The following PDZD2 variants were observed in gnomAD, a reference collection of about 807,000 sequenced individuals.
The protein encoded by PDZD2 is PDZ domain-containing protein 2.
PDZD2 carries 90 observed loss-of-function variants against 220.7 expected under a neutral mutation model. That is an observed-to-expected ratio of 0.41 (90% CI 0.34 to 0.49). PDZD2 has a LOEUF of 0.49. PDZD2 is among the 20% of genes least tolerant of loss of function. The pLI, the probability that PDZD2 is intolerant of heterozygous loss-of-function variation, is 0.28. For synonymous variants in PDZD2, 1,375 were observed against 1,450.5 expected, an observed-to-expected ratio of 0.95 and a Z score of 1.18; for missense variants, 3,174 against 3,608.5, an observed-to-expected ratio of 0.88 and a Z score of 3.08.
intron 1 of PDZD2, among the ~76,000 whole-genome samples, chr5:31,768,835 T>C (rs116285287): frequency 0.025 from 3,850 of 152,110 alleles, 153 homozygotes; most frequent in African/African-American, 0.087. Flanking sequence ...CATGTAGGAA[T>C]AGGGACAGGC....
At chr5:31,842,149 C>T (rs1757349837) in intron 2 of PDZD2, among the ~76,000 whole-genome samples, 1 of 152,170 alleles carries the variant, frequency 6.6e-6, no homozygotes, top group Non-Finnish European at 1.5e-5. Flanking sequence ...CTTTTTGTAG[C>T]TTTGAAAAAC....
chr5:31,897,636 A>G (rs2150354721), intron 2 of PDZD2, among the ~76,000 whole-genome samples: 1 of 152,338 alleles, frequency 6.6e-6, no homozygotes, highest in East Asian at 1.9e-4. Flanking sequence ...AGTAGCATGC[A>G]GAAAGTTTCC....
At chr5:31,879,974 C>T (rs1439640273) in intron 2 of PDZD2, among the ~76,000 whole-genome samples, 1 of 146,406 alleles carries the variant, frequency 6.8e-6, no homozygotes, top group African/African-American at 2.6e-5. Context: ...AGTGCAATGG[C>T]ACGATCTCAG....
rs750302682 is a variant in PDZD2, at chr5:32,048,558, G to C, written c.1539G>C (p.Glu513Asp). ...SRLSGGVHRL[E>D]SVEEYNELMV... ...CTCAAGGGGGTGTACACCGCCTTGA[G>C]TCAGTTGAAGAATATAACGAGCTGA... is the stretch of plus-strand genomic sequence containing the variant. Residue 513 changes from glutamate to aspartate, a missense_variant, in exon 8 of 25, where the codon GAG (glutamate) becomes GAC (aspartate). Around this residue, in one of 4 missense-constraint regions of PDZD2, gnomAD observed 632 missense variants for 708.1 expected, o/e 0.89. Transcript: ENST00000438447. 1 of 1,613,960 alleles carries C rather than the reference G, an allele frequency of 6.2e-7. No individual in the cohort carries two copies. The highest frequency in any genetic ancestry group is 1.1e-5 in the South Asian group (1 of 91,074).
chr5:31,916,054 A>C (rs1357483637), intron 2 of PDZD2, among the ~76,000 whole-genome samples: 6 of 152,196 alleles, frequency 3.9e-5, no homozygotes, highest in Non-Finnish European at 8.8e-5. Flanking sequence ...CTAAAGACTG[A>C]ATCTGTAGAG....
intron 2 of PDZD2, among the ~76,000 whole-genome samples, chr5:31,836,109 T>G (rs1250497543): frequency 6.6e-6 from 1 of 152,230 alleles, no homozygotes; most frequent in Non-Finnish European, 1.5e-5. Context: ...AATTTACCAG[T>G]CTGACTTAGA....
At chr5:31,993,992 G>GTTTA (rs138101923) in intron 3 of PDZD2, among the ~76,000 whole-genome samples, 7 of 152,158 alleles carry the variant, frequency 4.6e-5, no homozygotes, top group Admixed American at 2.6e-4. Flanking sequence ...ACATTGATTA[G>GTTTA]TTTATTTATT....
intron 2 of PDZD2, among the ~76,000 whole-genome samples, chr5:31,845,557 T>C (rs1291939963): frequency 2.0e-5 from 3 of 152,230 alleles, no homozygotes; most frequent in Non-Finnish European, 2.9e-5. Context: ...GATTAGAATG[T>C]TCTTTGCATA....
chr5:32,099,011 T>C (rs1207396211), intron 23 of PDZD2, among the ~76,000 whole-genome samples: 2 of 152,172 alleles, frequency 1.3e-5, no homozygotes, highest in Admixed American at 6.5e-5. Flanking sequence ...AACTAAGATT[T>C]ATCCTTGGGA....
At chr5:31,849,874 A>ACACG (rs1228358517) in intron 2 of PDZD2, among the ~76,000 whole-genome samples, 4 of 43,426 alleles carry the variant, frequency 9.2e-5, no homozygotes, top group Non-Finnish European at 3.6e-5. Context: ...ATATATACAT[A>ACACG]TATATATATA....
chr5:32,012,494 C>T (rs1363356338), intron 6 of PDZD2, among the ~76,000 whole-genome samples: 9 of 152,120 alleles, frequency 5.9e-5, no homozygotes, highest in Non-Finnish European at 1.3e-4. Flanking sequence ...AGCAATTCTC[C>T]TGCCTCAGCC....
chr5:32,058,774 G>A (rs1329079434), intron 12 of PDZD2, among the ~76,000 whole-genome samples: 2 of 151,828 alleles, frequency 1.3e-5, no homozygotes, highest in African/African-American at 4.8e-5. Context: ...GTTAACACTA[G>A]TAACTAGAAT....
chr5:32,002,644 A>ACC lies in PDZD2; in HGVS notation c.1254+2374_1254+2375insCC, dbSNP rs1384644575. Among the ~76,000 whole-genome samples, 367 of 118,176 alleles carry ACC rather than the reference A, an allele frequency of 3.1e-3. 23 individuals are homozygous for ACC. The highest frequency in any genetic ancestry group is 0.011 in the African/African-American group (343 of 32,082). 77.5% of individuals were successfully genotyped at this position (118,176 alleles called of 152,430 possible). A position where few individuals can be genotyped will look rare whatever the true frequency, so the allele number is the denominator to read the frequency against. On this transcript the variant is annotated intron_variant, in intron 5 of 24. Transcript: ENST00000438447. ...ACACACCAACACACCACCAACACACACACCCCACATACTACACACACACAC... is the reference window on the plus strand; with the variant it reads ...ACACACCAACACACCACCAACACACACCCACCCCACATACTACACACACACAC...
chr5:32,002,454 TTC>T (rs1035656953), intron 5 of PDZD2, among the ~76,000 whole-genome samples: 11 of 152,162 alleles, frequency 7.2e-5, no homozygotes, highest in South Asian at 6.2e-4. Context: ...AACCCCGGGA[TTC>T]TCTCTGTCAG....
At position 32,014,706 on chromosome 5, in the gene PDZD2, C is replaced by CTTTTTTTTTTTTTT. The variant is rs556276502; in HGVS notation, c.1407+4239_1407+4252dup. 2.9e-3 allele frequency among the ~76,000 whole-genome samples: 278 copies of CTTTTTTTTTTTTTT among 95,414 alleles called. 51 individuals carry two copies. Among genetic ancestry groups the CTTTTTTTTTTTTTT allele is most frequent in the African/African-American group, 0.011 (262 of 22,892 alleles). 62.6% of individuals were successfully genotyped at this position (95,414 alleles called of 152,430 possible). ...ATTTTCTGCTCTGCAATGACAATTT[C>CTTTTTTTTTTTTTT]TTTTTTTTTTTTTTTTTTTTTTTTT... On this transcript the variant is annotated intron_variant, in intron 6 of 24. Transcript: ENST00000438447.
intron 2 of PDZD2, among the ~76,000 whole-genome samples, chr5:31,974,565 A>G (rs1440301533): frequency 6.6e-6 from 1 of 152,192 alleles, no homozygotes; most frequent in Non-Finnish European, 1.5e-5. Flanking sequence ...TACCAAGCTA[A>G]TGCACCAGAG....
intron 5 of PDZD2, 47 bp from the exon 6 acceptor site, chr5:32,010,283 G>A (rs377344895): frequency 2.0e-6 from 3 of 1,493,916 alleles, no homozygotes; most frequent in African/African-American, 2.8e-5. Flanking sequence ...GAACTGCTTG[G>A]TTCTGGGGAG....
chr5:31,699,168 A>C (rs1029036541), intron 1 of PDZD2, among the ~76,000 whole-genome samples: 2 of 152,170 alleles, frequency 1.3e-5, no homozygotes, highest in Non-Finnish European at 2.9e-5. Context: ...GAAGAAAGAC[A>C]CGTACCCAAC....
chr5:31,827,399 T>C (rs1302440303), intron 2 of PDZD2, among the ~76,000 whole-genome samples: 1 of 152,120 alleles, frequency 6.6e-6, no homozygotes, highest in Non-Finnish European at 1.5e-5. Flanking sequence ...TGTTATATAA[T>C]AGCTTTCCTG....
Sources: allele counts gnomAD v4.1 joint callset (sites outside exome capture counted in the v4.1 genomes callset), GRCh38; gene constraint gnomAD v4.1.1; regional missense constraint gnomAD v4.1.1; transcripts MANE v1.5; gene names NCBI Gene and HGNC (gene_info 2026-07-23, HGNC 2026-07-21).